TMEM164: variants seen among roughly 807,000 people sequenced by gnomAD.
TMEM164 encodes the protein transmembrane protein 164.
Under a neutral mutation model 18.8 loss-of-function variants are expected in TMEM164, and 4 were observed. The ratio of observed to expected loss-of-function variants is 0.21; its 90% CI spans 0.10 to 0.49. The LOEUF is 0.49. Ranked by LOEUF, TMEM164 falls within the 20% of genes least tolerant of loss-of-function variation. The pLI, the probability that TMEM164 is intolerant of heterozygous loss-of-function variation, is 0.98. For synonymous variants in TMEM164, 86 were observed against 101.7 expected (o/e 0.85, Z 0.93); for missense variants, 108 against 239.9 (o/e 0.45, Z 3.63).
At chrX:110,043,772 T>C (rs1935193994) in intron 2 of TMEM164, among the ~76,000 whole-genome samples, 1 of 112,435 alleles carries the variant, frequency 8.9e-6, no homozygotes, top group Admixed American at 9.4e-5. Context: ...AGATAATCAT[T>C]ATTAACAACT....
In TMEM164 at chrX:110,135,428, A is replaced by G. The variant is rs2066676590; in HGVS notation, c.508-9370A>G. Among the ~76,000 whole-genome samples, 3 of 111,687 alleles carry G rather than the reference A, an allele frequency of 2.7e-5. No homozygotes were observed. The Admixed American group carries it at 2.9e-4, about 11-fold the overall frequency. Reference sequence around the variant, plus strand: ...AATTACAAATTTTTTGTAATTATAAATAATGCTGCAGTGAACATCTTTATG... The same window carrying G: ...AATTACAAATTTTTTGTAATTATAAGTAATGCTGCAGTGAACATCTTTATG... On this transcript the variant is annotated intron_variant, in intron 4 of 6. Transcript: ENST00000372068.
At chrX:110,016,690 T>G (rs1299446546) in intron 2 of TMEM164, among the ~76,000 whole-genome samples, 4 of 110,233 alleles carry the variant, frequency 3.6e-5, no homozygotes, top group Non-Finnish European at 5.7e-5. Context: ...AACGTCTTGC[T>G]CTGTTGCTCA....
chrX:110,031,390 G>T lies in TMEM164; in HGVS notation c.390+27226G>T, dbSNP rs1444651813. 1.4e-4 allele frequency among the ~76,000 whole-genome samples: 16 copies of T among 111,795 alleles called. No individual in the cohort carries two copies. In the Admixed American group the frequency reaches 1.5e-3, roughly 11 times the overall value. The stretch of plus-strand genomic sequence containing the variant: ...GCTTGAGTGCAGCAGCACGATCAGG[G>T]CTCACTGCAGCCTCAAACTCTGGTG... On this transcript the variant is annotated intron_variant, in intron 2 of 6. Coordinates refer to ENST00000372068, the MANE Select transcript of TMEM164 (RefSeq NM_032227.4).
chrX:110,087,614 G>A (rs2065871846), intron 3 of TMEM164, among the ~76,000 whole-genome samples: 1 of 111,078 alleles, frequency 9.0e-6, no homozygotes, highest in Non-Finnish European at 1.9e-5. Flanking sequence ...GGAACTCATG[G>A]AGTGAGTCAC....
In TMEM164 at chrX:110,013,972, G is replaced by A. The variant is rs755696830; in HGVS notation, c.390+9808G>A. ...AAATTCTACCACTAGCTCTGTAACC[G>A]TGGGCAAATTACTTAACCTCTCTGA... On this transcript the variant is annotated intron_variant, in intron 2 of 6. Coordinates refer to ENST00000372068, the MANE Select transcript of TMEM164 (RefSeq NM_032227.4). Among the ~76,000 whole-genome samples, 15 of 111,506 alleles carry A rather than the reference G, an allele frequency of 1.3e-4. No individual in the cohort carries two copies. In the South Asian group the frequency reaches 1.5e-3, roughly 11 times the overall value.
At chrX:110,112,370 G>A (rs1283835363) in intron 4 of TMEM164, among the ~76,000 whole-genome samples, 3 of 111,156 alleles carry the variant, frequency 2.7e-5, no homozygotes, top group Non-Finnish European at 1.9e-5. Context: ...AACTGGGCAT[G>A]GTGGTGCAAG....
chrX:110,063,171 G>C (rs747501074), intron 2 of TMEM164, among the ~76,000 whole-genome samples: 3 of 111,469 alleles, frequency 2.7e-5, no homozygotes, highest in East Asian at 2.8e-4. Context: ...CCACTCTCCT[G>C]TACCTCTCTC....
At chrX:110,159,763 A>G (rs935540431) in intron 5 of TMEM164, among the ~76,000 whole-genome samples, 2 of 111,416 alleles carry the variant, frequency 1.8e-5, no homozygotes, top group Admixed American at 9.5e-5. Flanking sequence ...GGAATCTTCA[A>G]CTTCCCTTCC....
intron 2 of TMEM164, among the ~76,000 whole-genome samples, chrX:110,022,959 G>C (rs1330821310): frequency 8.9e-6 from 1 of 112,448 alleles, no homozygotes; most frequent in African/African-American, 3.2e-5. Flanking sequence ...CACCACTTGG[G>C]AATGGCAGAG....
At chrX:110,169,789 G>A (rs764985560) in intron 5 of TMEM164, among the ~76,000 whole-genome samples, 54 of 112,096 alleles carry the variant, frequency 4.8e-4, no homozygotes, top group Non-Finnish European at 1.3e-4. Context: ...AACTCTGGGT[G>A]CACATCCCTT....
At chrX:110,023,090 C>T (rs1281852904) in intron 2 of TMEM164, among the ~76,000 whole-genome samples, 2 of 111,847 alleles carry the variant, frequency 1.8e-5, no homozygotes, top group Non-Finnish European at 3.8e-5. Flanking sequence ...TTTATGCCTC[C>T]AGGCCTCCTT....
At chrX:110,042,801 T>A (rs1032854662) in intron 2 of TMEM164, among the ~76,000 whole-genome samples, 5 of 112,614 alleles carry the variant, frequency 4.4e-5, no homozygotes, top group African/African-American at 1.6e-4. Flanking sequence ...TTTCATGTGC[T>A]TATTAGCCAT....
At chrX:110,017,258 T>G (rs1295002632) in intron 2 of TMEM164, among the ~76,000 whole-genome samples, 1 of 111,830 alleles carries the variant, frequency 8.9e-6, no homozygotes, top group East Asian at 2.8e-4. Flanking sequence ...ACACATGGCC[T>G]CCTTCTATCC....
intron 2 of TMEM164, among the ~76,000 whole-genome samples, chrX:110,023,518 G>A (rs1934020076): frequency 1.8e-5 from 2 of 110,880 alleles, no homozygotes; most frequent in Non-Finnish European, 3.8e-5. Context: ...AGAAGGTTCA[G>A]GTATAATTCA....
At chrX:110,047,844 G>C (rs182583390) in intron 2 of TMEM164, among the ~76,000 whole-genome samples, 7 of 111,944 alleles carry the variant, frequency 6.3e-5, no homozygotes, top group African/African-American at 1.3e-4. Flanking sequence ...TTAATGTGAA[G>C]TAGAGTAGAA....
intron 3 of TMEM164, among the ~76,000 whole-genome samples, chrX:110,089,500 A>G (rs2065896820): frequency 8.9e-6 from 1 of 112,518 alleles, no homozygotes; most frequent in Non-Finnish European, 1.9e-5. Context: ...TAGAAACAAA[A>G]TAAAGATCAT....
At chrX:110,032,952 GT>G (rs1440128798) in intron 2 of TMEM164, among the ~76,000 whole-genome samples, 2 of 112,413 alleles carry the variant, frequency 1.8e-5, no homozygotes, top group Non-Finnish European at 3.8e-5. Flanking sequence ...GTATTGAACT[GT>G]TTTGGAGTAG....
chrX:110,042,807 G>A (rs1935152860), intron 2 of TMEM164, among the ~76,000 whole-genome samples: 2 of 112,187 alleles, frequency 1.8e-5, no homozygotes, highest in Admixed American at 9.4e-5. Context: ...GTGCTTATTA[G>A]CCATTTGTAT....
chrX:110,150,630 T>C (rs1425209392), intron 5 of TMEM164, among the ~76,000 whole-genome samples: 4 of 112,650 alleles, frequency 3.6e-5, no homozygotes, highest in Non-Finnish European at 7.5e-5. Context: ...TTTTGGTTTT[T>C]GTATATCCTC....
Sources: allele counts gnomAD v4.1 joint callset (sites outside exome capture counted in the v4.1 genomes callset), GRCh38; gene constraint gnomAD v4.1.1; transcripts MANE v1.5; gene names NCBI Gene and HGNC (gene_info 2026-07-23, HGNC 2026-07-21).